The following SAMMSON variants were observed in gnomAD, a reference collection of about 807,000 sequenced individuals.
SAMMSON encodes the protein survival associated mitochondrial melanoma specific oncogenic non-coding RNA, also known as long intergenic non-protein coding RNA 1212.
At chr3:70,088,887 A>T (rs1413465068) in intron 4 of SAMMSON, among the ~76,000 whole-genome samples, 1 of 152,150 alleles carries the variant, frequency 6.6e-6, no homozygotes, top group Non-Finnish European at 1.5e-5. Context: ...GATCAGAGTT[A>T]TGTTGATAAC....
At chr3:70,041,746 G>A (rs1480062641) in intron 3 of SAMMSON, among the ~76,000 whole-genome samples, 1 of 152,050 alleles carries the variant, frequency 6.6e-6, no homozygotes, top group African/African-American at 2.4e-5. Context: ...ATCTAGAGAT[G>A]ATTTAAAGTA....
chr3:70,263,745 T>C (rs1467899458), intron 6 of SAMMSON, among the ~76,000 whole-genome samples: 1 of 152,156 alleles, frequency 6.6e-6, no homozygotes, highest in East Asian at 1.9e-4. Context: ...CCTCCCCAAA[T>C]TTCAATTTGT....
chr3:70,308,983 G>C (rs1042021309), intron 7 of SAMMSON, among the ~76,000 whole-genome samples: 3 of 152,322 alleles, frequency 2.0e-5, no homozygotes, highest in South Asian at 4.1e-4. Context: ...GGAGGCAGCA[G>C]AGTCACTGTC....
chr3:70,333,419 T>C (rs562468039), intron 7 of SAMMSON, among the ~76,000 whole-genome samples: 8 of 152,228 alleles, frequency 5.3e-5, no homozygotes, highest in East Asian at 3.9e-4. Flanking sequence ...CACACACACA[T>C]GTATAAAACA....
intron 3 of SAMMSON, among the ~76,000 whole-genome samples, chr3:70,029,752 CAA>C (rs5849936): frequency 0.057 from 4,458 of 78,792 alleles, 113 homozygotes; most frequent in African/African-American, 0.14. Context: ...AAGACTCTGT[CAA>C]AAAAAAAAAA....
intron 4 of SAMMSON, among the ~76,000 whole-genome samples, chr3:70,093,109 C>G (rs1054944298): frequency 2.0e-5 from 3 of 152,038 alleles, no homozygotes; most frequent in African/African-American, 7.2e-5. Flanking sequence ...CATGTCTCTT[C>G]CACAACAATG....
At chr3:70,362,804 C>CTTT (rs11360944) in intron 9 of SAMMSON, among the ~76,000 whole-genome samples, 4 of 134,030 alleles carry the variant, frequency 3.0e-5, no homozygotes, top group Admixed American at 7.5e-5. Flanking sequence ...GAAAGATCTG[C>CTTT]TTTTTTTTTT....
intron 6 of SAMMSON, among the ~76,000 whole-genome samples, chr3:70,283,258 T>C (rs990719897): frequency 6.6e-6 from 1 of 152,068 alleles, no homozygotes; most frequent in Admixed American, 6.6e-5. Context: ...TGTAAACTCA[T>C]GCAGTCCTCT....
chr3:70,121,682 GCAAA>G (rs2067433652), intron 4 of SAMMSON, among the ~76,000 whole-genome samples: 2 of 152,160 alleles, frequency 1.3e-5, no homozygotes, highest in African/African-American at 2.4e-5. Context: ...AATACACACA[GCAAA>G]CAAACAAAAT....
chr3:70,230,649 C>A (rs150911991), intron 4 of SAMMSON, among the ~76,000 whole-genome samples: 1 of 152,122 alleles, frequency 6.6e-6, no homozygotes, highest in East Asian at 1.9e-4. Context: ...AGTTGAGCTG[C>A]AATGACAGCA....
At chr3:70,237,443 G>C (rs190650822) in intron 4 of SAMMSON, among the ~76,000 whole-genome samples, 1 of 152,010 alleles carries the variant, frequency 6.6e-6, no homozygotes, top group Non-Finnish European at 1.5e-5. Flanking sequence ...TTTCTTTTCC[G>C]ATTCCTTTCA....
At chr3:70,364,912 T>C (rs140369803) in intron 9 of SAMMSON, among the ~76,000 whole-genome samples, 1 of 151,936 alleles carries the variant, frequency 6.6e-6, no homozygotes, top group Non-Finnish European at 1.5e-5. Flanking sequence ...TCGTTTCTAC[T>C]ATAAATCCCG....
At chr3:70,347,555 A>ATC (rs1702760990) in intron 7 of SAMMSON, among the ~76,000 whole-genome samples, 1 of 152,180 alleles carries the variant, frequency 6.6e-6, no homozygotes, top group South Asian at 2.1e-4. Flanking sequence ...TGCTCCTCTC[A>ATC]TCACACACTA....
chr3:70,198,343 A>G (rs1170640540), intron 4 of SAMMSON, among the ~76,000 whole-genome samples: 1 of 152,138 alleles, frequency 6.6e-6, no homozygotes, highest in Non-Finnish European at 1.5e-5. Flanking sequence ...ATATAAGCAT[A>G]TAGAAGAGAT....
chr3:70,294,178 A>G (rs544737913), intron 7 of SAMMSON, among the ~76,000 whole-genome samples: 1 of 152,332 alleles, frequency 6.6e-6, no homozygotes, highest in South Asian at 2.1e-4. Context: ...ACTAGTGTAT[A>G]GAAATTTACA....
At chr3:70,164,027 T>C (rs2067626741) in intron 4 of SAMMSON, among the ~76,000 whole-genome samples, 1 of 152,174 alleles carries the variant, frequency 6.6e-6, no homozygotes, top group African/African-American at 2.4e-5. Context: ...TCCCTTTAAC[T>C]TATCCATAAG....
intron 1 of SAMMSON, among the ~76,000 whole-genome samples, chr3:70,009,537 TATTA>T (rs1422553864): frequency 6.6e-6 from 1 of 152,204 alleles, no homozygotes; most frequent in Non-Finnish European, 1.5e-5. Flanking sequence ...TTTTCTTCTT[TATTA>T]GTCTTTCTAG....
intron 4 of SAMMSON, among the ~76,000 whole-genome samples, chr3:70,106,455 C>G (rs2067367530): frequency 1.3e-5 from 2 of 151,756 alleles, no homozygotes; most frequent in African/African-American, 4.8e-5. Context: ...ATCCTCACAC[C>G]CCAGCCTCCT....
intron 4 of SAMMSON, among the ~76,000 whole-genome samples, chr3:70,165,324 T>C (rs775155070): frequency 3.9e-5 from 6 of 151,992 alleles, no homozygotes; most frequent in African/African-American, 4.8e-5. Flanking sequence ...AAACCTAATC[T>C]GTTGGTATTA....
Sources: allele counts gnomAD v4.1 joint callset (sites outside exome capture counted in the v4.1 genomes callset), GRCh38; gene constraint gnomAD v4.1.1; transcripts MANE v1.5; gene names NCBI Gene and HGNC (gene_info 2026-07-23, HGNC 2026-07-21).